SLC17A1: variants seen among roughly 807,000 people sequenced by gnomAD.
SLC17A1 encodes the protein sodium-dependent phosphate transport protein 1.
In SLC17A1, 51 loss-of-function variants were observed where a neutral mutation model predicts 53.5. The observed-to-expected ratio is 0.95, with a 90% CI of 0.76 to 1.20. The LOEUF is 1.20. SLC17A1 is among the 50% of genes most tolerant of loss of function. The pLI is 0.00. For missense variants in SLC17A1, 538 were observed against 568.2 expected (o/e 0.95, Z 0.54); for synonymous variants, 179 against 198.8 (o/e 0.90, Z 0.84).
the SLC17A1 span, among the ~76,000 whole-genome samples, chr6:25,737,217 A>G: frequency 6.6e-6 from 1 of 152,204 alleles, no homozygotes; most frequent in African/African-American, 2.4e-5. Flanking sequence ...AAATAATGTC[A>G]TTAGTGTAGA....
At chr6:25,772,041 A>G in the SLC17A1 span, among the ~76,000 whole-genome samples, 1 of 152,216 alleles carries the variant, frequency 6.6e-6, no homozygotes, top group African/African-American at 2.4e-5. Flanking sequence ...TAGTGTGTTC[A>G]TTAGAGGACA....
intron 12 of SLC17A1, among the ~76,000 whole-genome samples, chr6:25,784,765 C>T (rs1763343687): frequency 6.6e-6 from 1 of 152,058 alleles, no homozygotes; most frequent in African/African-American, 2.4e-5. Context: ...GTTCAGGTTA[C>T]ATAAAAGTTA....
chr6:25,772,290 T>C, the SLC17A1 span, among the ~76,000 whole-genome samples: 4 of 152,190 alleles, frequency 2.6e-5, no homozygotes, highest in African/African-American at 9.6e-5. Flanking sequence ...AATATTAACA[T>C]CCTCCAACCC....
At chr6:25,741,415 C>T in the SLC17A1 span, among the ~76,000 whole-genome samples, 1 of 82,926 alleles carries the variant, frequency 1.2e-5, no homozygotes, top group Non-Finnish European at 2.3e-5. Flanking sequence ...ACTAAGAATC[C>T]AAAAAAAAAA....
chr6:25,724,893 T>TGATGACTG, the SLC17A1 span, among the ~76,000 whole-genome samples: 1 of 152,070 alleles, frequency 6.6e-6, no homozygotes. Flanking sequence ...GGTTAATTCA[T>TGATGACTG]ACTTTTGTAA....
At chr6:25,804,322 T>G (rs1314549269) in intron 10 of SLC17A1, among the ~76,000 whole-genome samples, 1 of 152,096 alleles carries the variant, frequency 6.6e-6, no homozygotes, top group Non-Finnish European at 1.5e-5. Flanking sequence ...AGAAATAAAG[T>G]CATTTTCAGA....
chr6:25,723,888 C>T, the SLC17A1 span, among the ~76,000 whole-genome samples: 25 of 152,210 alleles, frequency 1.6e-4, 1 homozygote, highest in South Asian at 4.6e-3. Context: ...TTTAAAACAA[C>T]AGGACAAAAT....
chr6:25,747,330 T>C, the SLC17A1 span, among the ~76,000 whole-genome samples: 2 of 152,230 alleles, frequency 1.3e-5, no homozygotes, highest in African/African-American at 4.8e-5. Context: ...TCTTATTTTA[T>C]GGCTTCCATT....
At chr6:25,801,030 G>T in intron 10 of SLC17A1, 50 bp from the exon 11 acceptor site, 3 of 987,856 alleles carry the variant, frequency 3.0e-6, no homozygotes, top group South Asian at 1.4e-5. Flanking sequence ...AAATACTGCA[G>T]GAAATGCAAA....
intron 6 of SLC17A1, among the ~76,000 whole-genome samples, chr6:25,818,865 T>C (rs992020592): frequency 6.6e-6 from 1 of 152,228 alleles, no homozygotes; most frequent in Non-Finnish European, 1.5e-5. Context: ...ATAAAAGTTA[T>C]GTACAAAAAT....
the SLC17A1 span, among the ~76,000 whole-genome samples, chr6:25,743,331 G>A: frequency 0.27 from 41,357 of 152,078 alleles, 6,844 homozygotes; most frequent in East Asian, 0.7. Flanking sequence ...TGGTAACATG[G>A]TTACACAGAG....
chr6:25,777,732 T>C, the SLC17A1 span: 2 of 556,636 alleles, frequency 3.6e-6, no homozygotes, highest in Non-Finnish European at 6.4e-6. Context: ...TAATCATTGG[T>C]CAGTACATTT....
the SLC17A1 span, among the ~76,000 whole-genome samples, chr6:25,738,355 A>G: frequency 6.6e-6 from 1 of 152,204 alleles, no homozygotes; most frequent in African/African-American, 2.4e-5. Flanking sequence ...CTAGAGCAAT[A>G]GGCAAAAATA....
At chr6:25,782,211 G>A (rs978987550), downstream of SLC17A1, among the ~76,000 whole-genome samples, 1 of 152,158 alleles carries the variant, frequency 6.6e-6, no homozygotes, top group Non-Finnish European at 1.5e-5. Flanking sequence ...TTGGAAGGGA[G>A]GCAGTAAGTG....
At chr6:25,800,749 T>C (rs2296199) in intron 11 of SLC17A1, 141 bp downstream of exon 11, 6,548 of 600,406 alleles carry the variant, frequency 0.011, 161 homozygotes, top group East Asian at 0.076. Flanking sequence ...AGATGCCTGA[T>C]TTGACCAAAT....
chr6:25,744,336 A>G, the SLC17A1 span, among the ~76,000 whole-genome samples: 2 of 152,184 alleles, frequency 1.3e-5, no homozygotes, highest in Non-Finnish European at 2.9e-5. Context: ...ATGAGGAAAC[A>G]CACCTGTCCA....
At chr6:25,773,763 A>G in the SLC17A1 span, 4 of 1,424,270 alleles carry the variant, frequency 2.8e-6, no homozygotes, top group Non-Finnish European at 3.8e-6. Context: ...TCCCATAGTC[A>G]CAAAATCGGG....
intron 3 of SLC17A1, among the ~76,000 whole-genome samples, chr6:25,824,436 G>T (rs963813853): frequency 9.2e-5 from 14 of 151,726 alleles, no homozygotes; most frequent in African/African-American, 3.1e-4. Flanking sequence ...AAGAATAAAT[G>T]AAAGTGGAAA....
At chr6:25,775,386 C>T in the SLC17A1 span, among the ~76,000 whole-genome samples, 5 of 151,672 alleles carry the variant, frequency 3.3e-5, no homozygotes, top group Admixed American at 3.3e-4. Flanking sequence ...TCCTAATCTG[C>T]CCTGTCCTCC....
Sources: allele counts gnomAD v4.1 joint callset (sites outside exome capture counted in the v4.1 genomes callset), GRCh38; gene constraint gnomAD v4.1.1; transcripts MANE v1.5; gene names NCBI Gene and HGNC (gene_info 2026-07-23, HGNC 2026-07-21).